EYS: variants seen among roughly 807,000 people sequenced by gnomAD.
The protein encoded by EYS is EGF-like photoreceptor maintenance factor, also known as protein eyes shut homolog.
EYS carries 250 observed loss-of-function variants against 282.1 expected under a neutral mutation model. That is an observed-to-expected ratio of 0.89 (90% CI 0.80 to 0.98). The LOEUF is 0.98. Among genes scored for constraint, EYS ranks in the 50% least tolerant of loss-of-function variants. The pLI is 0.00. For synonymous variants in EYS, 1,355 were observed against 1,282.9 expected, an observed-to-expected ratio of 1.06 and a Z score of -1.20; for missense variants, 4,016 against 3,709.0, an observed-to-expected ratio of 1.08 and a Z score of -2.15.
intron 5 of EYS, among the ~76,000 whole-genome samples, chr6:65,431,500 T>C (rs1006341745): frequency 6.6e-6 from 1 of 151,956 alleles, no homozygotes; most frequent in African/African-American, 2.4e-5. Flanking sequence ...AAATAAATAA[T>C]ATATTATTTG....
chr6:64,178,961 T>G (rs1291980711), intron 31 of EYS, among the ~76,000 whole-genome samples: 1 of 151,856 alleles, frequency 6.6e-6, no homozygotes, highest in East Asian at 1.9e-4. Flanking sequence ...AATTTGAAAT[T>G]GTACTCATAG....
intron 35 of EYS, among the ~76,000 whole-genome samples, chr6:63,916,941 A>G (rs1297503049): frequency 1.3e-5 from 2 of 152,250 alleles, no homozygotes; most frequent in East Asian, 1.9e-4. Context: ...ATCTTGTCTC[A>G]TGTTAGTGAG....
At chr6:64,314,664 C>T (rs1014882012) in intron 29 of EYS, among the ~76,000 whole-genome samples, 2 of 152,132 alleles carry the variant, frequency 1.3e-5, no homozygotes, top group Non-Finnish European at 2.9e-5. Flanking sequence ...AACTGTACAA[C>T]TTGCTCCTGA....
intron 36 of EYS, among the ~76,000 whole-genome samples, chr6:63,829,512 G>A (rs953849888): frequency 6.6e-6 from 1 of 152,224 alleles, no homozygotes; most frequent in African/African-American, 2.4e-5. Flanking sequence ...GCGAGGCTGG[G>A]GGAGGGGCGT....
At chr6:65,660,666 C>G (rs1310600646) in intron 1 of EYS, among the ~76,000 whole-genome samples, 1 of 151,526 alleles carries the variant, frequency 6.6e-6, no homozygotes, top group African/African-American at 2.4e-5. Flanking sequence ...TTTTTAGTAC[C>G]CTATTACGTT....
intron 14 of EYS, among the ~76,000 whole-genome samples, chr6:64,951,155 T>G (rs747052702): frequency 3.3e-5 from 5 of 151,772 alleles, no homozygotes; most frequent in African/African-American, 4.8e-5. Context: ...ACCTTGTATT[T>G]ATAGTATGAA....
chr6:65,444,841 C>G (rs973844124), intron 5 of EYS, among the ~76,000 whole-genome samples: 2 of 152,138 alleles, frequency 1.3e-5, no homozygotes, highest in Non-Finnish European at 2.9e-5. Flanking sequence ...TATATTTATA[C>G]TTAGATGCTA....
intron 30 of EYS, among the ~76,000 whole-genome samples, chr6:64,261,148 T>G (rs1255678338): frequency 6.6e-6 from 1 of 152,032 alleles, no homozygotes; most frequent in Non-Finnish European, 1.5e-5. Context: ...TTTGTTCCCA[T>G]TAAGCATTCC....
intron 5 of EYS, among the ~76,000 whole-genome samples, chr6:65,446,910 GA>G (rs1404287243): frequency 2.6e-5 from 4 of 151,538 alleles, no homozygotes; most frequent in East Asian, 1.9e-4. Context: ...AGAAGGCACA[GA>G]AAAAAAGCCA....
intron 35 of EYS, among the ~76,000 whole-genome samples, chr6:63,868,765 T>C (rs1772729737): frequency 6.6e-6 from 1 of 152,204 alleles, no homozygotes; most frequent in Non-Finnish European, 1.5e-5. Context: ...AAGAGCCTGC[T>C]AATTACAAAG....
intron 34 of EYS, among the ~76,000 whole-genome samples, 157 bp from the exon 35 acceptor site, chr6:63,984,760 G>A (rs374460770): frequency 6.6e-6 from 1 of 151,710 alleles, no homozygotes; most frequent in African/African-American, 2.4e-5. Context: ...TCTACTAGGT[G>A]GGGAGATAGA....
At chr6:64,286,129 T>C (rs1229590298) in intron 30 of EYS, among the ~76,000 whole-genome samples, 2 of 152,200 alleles carry the variant, frequency 1.3e-5, no homozygotes, top group Non-Finnish European at 2.9e-5. Context: ...TTCAGATTCA[T>C]AGCTCATATA....
chr6:65,337,464 C>A (rs1329219528), intron 10 of EYS, among the ~76,000 whole-genome samples: 2 of 151,052 alleles, frequency 1.3e-5, no homozygotes, highest in African/African-American at 4.8e-5. Flanking sequence ...AATAAACACT[C>A]GTATAAGAAG....
chr6:65,049,916 T>C (rs1231181402), intron 13 of EYS, among the ~76,000 whole-genome samples: 1 of 151,788 alleles, frequency 6.6e-6, no homozygotes, highest in East Asian at 1.9e-4. Context: ...ATATAATATG[T>C]TTATACTTAT....
intron 22 of EYS, among the ~76,000 whole-genome samples, chr6:64,694,483 G>A (rs1258107041): frequency 6.6e-6 from 1 of 152,134 alleles, no homozygotes; most frequent in Non-Finnish European, 1.5e-5. Flanking sequence ...GTCTGACCTG[G>A]GGAGCAATCA....
intron 20 of EYS, 135 bp downstream of exon 20, chr6:64,822,516 C>T (rs1296584001): frequency 1.4e-6 from 1 of 719,500 alleles, no homozygotes; most frequent in African/African-American, 1.8e-5. Context: ...CATCTGTCAT[C>T]TTAAATGTAC....
intron 42 of EYS, among the ~76,000 whole-genome samples, chr6:63,726,111 T>C (rs1768604358): frequency 6.6e-6 from 1 of 152,208 alleles, no homozygotes; most frequent in South Asian, 2.1e-4. Flanking sequence ...GTTTACTGTT[T>C]GGATGACAGA....
chr6:65,515,031 A>C (rs1767068156), intron 2 of EYS, among the ~76,000 whole-genome samples: 1 of 152,222 alleles, frequency 6.6e-6, no homozygotes, highest in Non-Finnish European at 1.5e-5. Flanking sequence ...ATATTTTCAC[A>C]ACCTACTTAT....
intron 26 of EYS, among the ~76,000 whole-genome samples, chr6:64,550,786 C>G (rs1338277615): frequency 6.6e-6 from 1 of 151,928 alleles, no homozygotes; most frequent in Admixed American, 6.6e-5. Context: ...AATCAATGTG[C>G]AAAAATCACA....
Sources: allele counts gnomAD v4.1 joint callset (sites outside exome capture counted in the v4.1 genomes callset), GRCh38; gene constraint gnomAD v4.1.1; transcripts MANE v1.5; gene names NCBI Gene and HGNC (gene_info 2026-07-23, HGNC 2026-07-21).